Variants in FLOT2 observed in about 807,000 individuals in gnomAD.
The protein encoded by FLOT2 is flotillin-2.
In FLOT2, 35 loss-of-function variants were observed where a neutral mutation model predicts 54.9. That is an observed-to-expected ratio of 0.64 (90% CI 0.49 to 0.84). FLOT2 has a LOEUF of 0.84. FLOT2 is among the 40% of genes least tolerant of loss of function. FLOT2 has a pLI of 0.00. For missense variants in FLOT2, 464 were observed against 572.1 expected (o/e 0.81, Z 1.93); for synonymous variants, 207 against 228.9 (o/e 0.90, Z 0.86).
Position 28,882,693 on chromosome 17 carries a change from TG to T in FLOT2, c.347-3del. On this transcript the variant is annotated splice_polypyrimidine_tract_variant and splice_region_variant and intron_variant, in intron 4 of 10. Transcript: ENST00000394908. The surrounding 1 kb of genome is among the most constrained non-coding windows in gnomAD (Gnocchi z 5.6). ...AAATCTGCTCCACTGTCAGGGTCCC[TG>T]GGGGCAGAGGGATCAAGGGCTGGCT... 1 of 1,604,664 alleles carries T rather than the reference TG, an allele frequency of 6.2e-7. No individual in the cohort carries two copies. The highest frequency in any genetic ancestry group is 8.5e-7 in the Non-Finnish European group (1 of 1,172,188).
intron 2 of FLOT2, 149 bp downstream of exon 2, chr17:28,888,796 T>TCCCCCCCCCCCCCCCCCCCCCC: frequency 2.3e-6 from 1 of 428,338 alleles, no homozygotes; most frequent in Middle Eastern, 7.1e-4. Flanking sequence ...TCTTAGGAAG[T>TCCCCCCCCCCCCCCCCCCCCCC]CCCCCCCAAC....
intron 8 of FLOT2, 123 bp downstream of exon 8, chr17:28,881,691 A>G (rs1385045673): frequency 1.2e-6 from 1 of 868,746 alleles, no homozygotes; most frequent in African/African-American, 1.7e-5. Context: ...CTTCACAGTG[A>G]GTAAGAAGAC....
At chr17:28,885,736 A>G in intron 2 of FLOT2, 1 of 734,052 alleles carries the variant, frequency 1.4e-6, no homozygotes, top group South Asian at 1.5e-5. Context: ...GGAGGAGAGA[A>G]AAGAGGAGAG....
intron 1 of FLOT2, among the ~76,000 whole-genome samples, chr17:28,894,083 C>T (rs1339421538): frequency 2.0e-5 from 3 of 152,200 alleles, no homozygotes; most frequent in South Asian, 2.1e-4. Context: ...TTGCACAAGC[C>T]GGTCTCAAAC....
chr17:28,891,168 G>A (rs185917929), intron 1 of FLOT2, among the ~76,000 whole-genome samples: 1 of 152,116 alleles, frequency 6.6e-6, no homozygotes, highest in Non-Finnish European at 1.5e-5. Flanking sequence ...GGCATGAGCC[G>A]CCGCGCCTGG....
intron 8 of FLOT2, 111 bp from the exon 9 acceptor site, chr17:28,881,486 G>C: frequency 8.7e-7 from 1 of 1,151,586 alleles, no homozygotes; most frequent in African/African-American, 1.5e-5. Flanking sequence ...TGTCGGGGTG[G>C]GAGACATTGG....
At position 28,883,579 on chromosome 17, in the gene FLOT2, G is replaced by A. The variant is rs2039493119; in HGVS notation, c.223-348C>T. Among the ~76,000 whole-genome samples, 1 of 152,146 alleles carries A rather than the reference G, an allele frequency of 6.6e-6. No homozygotes were observed. The highest frequency in any genetic ancestry group is 1.5e-5 in the Non-Finnish European group (1 of 68,004). On this transcript the variant is annotated intron_variant, in intron 3 of 10. Coordinates refer to ENST00000394908, the MANE Select transcript of FLOT2 (RefSeq NM_004475.3). The surrounding 1 kb of genome is among the most constrained non-coding windows in gnomAD (Gnocchi z 5.0). ...AGACCCTCAGGCTGAGGGGCAGAGA[G>A]TATGAGAAGCAGAATGAGCAATAGG...
chr17:28,889,949 TTTAA>T (rs2039617729), intron 1 of FLOT2, among the ~76,000 whole-genome samples: 9 of 152,282 alleles, frequency 5.9e-5, no homozygotes, highest in South Asian at 4.1e-4. Flanking sequence ...AGCTTCCATT[TTTAA>T]TTAATTAATT....
At chr17:28,885,063 G>A (rs868700728) in intron 2 of FLOT2, among the ~76,000 whole-genome samples, 16 of 152,208 alleles carry the variant, frequency 1.1e-4, no homozygotes, top group Admixed American at 1.3e-4. Flanking sequence ...ACTTTAAAAG[G>A]GATCTGGGCT....
chr17:28,882,632 C>G lies in FLOT2; in HGVS notation c.406G>C (p.Glu136Gln). The change falls in exon 5 of 11, where the codon GAG becomes CAG. Residue 136 changes from glutamate (E) to glutamine (Q), a missense_variant. Glu to Gln is a conservative substitution (Grantham distance 29, BLOSUM62 2). Coordinates refer to ENST00000394908, the MANE Select transcript of FLOT2 (RefSeq NM_004475.3). This position sits in a 1 kb window ranked among gnomAD's most constrained non-coding sequence, Gnocchi z 5.6. ...DRDQFAKLVREVAAPDVGRMG... is the reference protein window; with the variant it reads ...DRDQFAKLVRQVAAPDVGRMG... The stretch of plus-strand genomic sequence containing the variant: ...CGGCCAACATCAGGGGCTGCCACCT[C>G]CCGCACCAGCTTGGCAAACTGGTCC... 1 of 1,613,886 alleles carries G rather than the reference C, an allele frequency of 6.2e-7. No individual in the cohort carries two copies.
At position 28,879,349 on chromosome 17, in the gene FLOT2, G is replaced by A; in HGVS notation, c.*1212C>T. 2.0e-6 allele frequency: 2 copies of A among 988,200 alleles called. No homozygotes were observed. Among genetic ancestry groups the A allele is most frequent in the Non-Finnish European group, 2.4e-6 (2 of 830,126 alleles). The allele number at this position is 988,200 out of a possible 1,614,324, so 61.2% of individuals were successfully genotyped here. On this transcript the variant is annotated 3_prime_UTR_variant, in exon 11 of 11. Transcript: ENST00000394908. Reference sequence around the variant, plus strand: ...GACACAATGCAGGGGTGGGCATTAAGAGTTCTTTATTTTACCAGAAGGGAC... The same window carrying A: ...GACACAATGCAGGGGTGGGCATTAAAAGTTCTTTATTTTACCAGAAGGGAC...
chr17:28,885,601 G>A, intron 2 of FLOT2: 1 of 717,498 alleles, frequency 1.4e-6, no homozygotes, highest in Non-Finnish European at 2.6e-6. Context: ...CTGGCATCCA[G>A]GGACACTCAC....
At chr17:28,881,100 T>G (rs1344586974) in intron 9 of FLOT2, 92 bp downstream of exon 9, 1 of 1,233,376 alleles carries the variant, frequency 8.1e-7, no homozygotes. Flanking sequence ...TGTCCCTGTG[T>G]TACTCGCAAG....
rs998817682 is a variant in FLOT2 at position 28,880,479 on chromosome 17, C to T, written c.*82G>A. 8.3e-6 allele frequency: 13 copies of T among 1,562,266 alleles called. No homozygotes were observed. In the African/African-American group the frequency reaches 9.5e-5, roughly 11 times the overall value. On this transcript the variant is annotated 3_prime_UTR_variant, in exon 11 of 11. Transcript: ENST00000394908. ...CGAGATAAGGCACCAGAGTCAGTAA[C>T]GTTCCCGTTGTTCTGTGGGATTAAA...
rs896147172 is a variant in FLOT2 at position 28,897,722 on chromosome 17, C to T, written c.-148G>A. ...CCGCGCCCCTCTGCGGTCGCAGCCC[C>T]GCCGGAAGTGTGGCGGCGGAGGGCG... On this transcript the variant is annotated 5_prime_UTR_variant, in exon 1 of 11. Coordinates refer to ENST00000394908, the MANE Select transcript of FLOT2 (RefSeq NM_004475.3). This position sits in a 1 kb window ranked among gnomAD's most constrained non-coding sequence, Gnocchi z 4.4. 33 of 593,692 alleles carry T rather than the reference C, an allele frequency of 5.6e-5. No individual in the cohort carries two copies. The highest frequency in any genetic ancestry group is 4.6e-5 in the Admixed American group (1 of 21,582). The allele number at this position is 593,692 out of a possible 1,614,324, so 36.8% of individuals were successfully genotyped here.
At chr17:28,886,049 G>A (rs555880575) in intron 2 of FLOT2, 41 of 548,846 alleles carry the variant, frequency 7.5e-5, no homozygotes, top group Admixed American at 4.9e-4. Context: ...GATGCCTGAC[G>A]CCTGGGGGCG....
chr17:28,889,826 G>C (rs2039613869), intron 1 of FLOT2, among the ~76,000 whole-genome samples: 1 of 151,984 alleles, frequency 6.6e-6, no homozygotes, highest in Non-Finnish European at 1.5e-5. Flanking sequence ...TCTTAGTAGA[G>C]ACGGGGTTTC....
chr17:28,881,111 G>A, intron 9 of FLOT2, 81 bp downstream of exon 9: 1 of 1,323,878 alleles, frequency 7.6e-7, no homozygotes, highest in South Asian at 1.3e-5. Flanking sequence ...TACTCGCAAG[G>A]CCCAGAGAAG....
intron 2 of FLOT2, among the ~76,000 whole-genome samples, chr17:28,887,028 GAGGA>G (rs895555938): frequency 2.6e-5 from 4 of 151,740 alleles, no homozygotes; most frequent in African/African-American, 9.7e-5. Context: ...GGGAGGGAGG[GAGGA>G]AGGGTAGTGG....
Sources: allele counts gnomAD v4.1 joint callset (sites outside exome capture counted in the v4.1 genomes callset), GRCh38; gene constraint gnomAD v4.1.1; non-coding constraint Gnocchi (gnomAD v3.1); transcripts MANE v1.5; gene names NCBI Gene and HGNC (gene_info 2026-07-23, HGNC 2026-07-21).